The following SUPT3H variants were observed in gnomAD, a reference collection of about 807,000 sequenced individuals.
SUPT3H encodes the protein SPT3 homolog, SAGA and STAGA complex component, also known as transcription initiation protein SPT3 homolog.
A neutral mutation model predicts 44.3 loss-of-function variants in SUPT3H; 44 were observed. That is an observed-to-expected ratio of 0.99 (90% CI 0.78 to 1.28). The LOEUF (loss-of-function observed/expected upper bound fraction) is 1.28. SUPT3H is among the 50% of genes most tolerant of loss of function. SUPT3H has a pLI of 0.00. For synonymous variants in SUPT3H, 124 were observed against 125.6 expected (o/e 0.99, Z 0.09); for missense variants, 380 against 387.1 (o/e 0.98, Z 0.15).
intron 2 of SUPT3H, among the ~76,000 whole-genome samples, chr6:45,291,248 G>C (rs1248396780): frequency 6.6e-6 from 1 of 152,132 alleles, no homozygotes; most frequent in East Asian, 1.9e-4. Flanking sequence ...AAAAGGGGGA[G>C]AGTACTACAT....
At chr6:45,045,071 T>A (rs1243186252) in intron 3 of SUPT3H, among the ~76,000 whole-genome samples, 13 of 152,066 alleles carry the variant, frequency 8.5e-5, no homozygotes, top group Admixed American at 7.9e-4. Context: ...AGAAACCTCA[T>A]CATGACTCAT....
downstream of SUPT3H, among the ~76,000 whole-genome samples, chr6:44,825,023 T>C (rs918084612): frequency 6.6e-6 from 1 of 152,178 alleles, no homozygotes; most frequent in Non-Finnish European, 1.5e-5. Flanking sequence ...GTAAACAAGA[T>C]GGGAATTATT....
At chr6:45,053,623 G>A (rs1458890243) in intron 3 of SUPT3H, among the ~76,000 whole-genome samples, 1 of 151,400 alleles carries the variant, frequency 6.6e-6, no homozygotes. Context: ...TGATGGCCGG[G>A]TGCAGTGGTT....
chr6:45,233,582 A>G (rs1001206122), intron 2 of SUPT3H, among the ~76,000 whole-genome samples: 1 of 152,232 alleles, frequency 6.6e-6, no homozygotes, highest in Non-Finnish European at 1.5e-5. Flanking sequence ...CACAATATCA[A>G]GCCCCTATGG....
intron 10 of SUPT3H, among the ~76,000 whole-genome samples, chr6:44,926,694 T>C: frequency 6.6e-6 from 1 of 152,150 alleles, no homozygotes; most frequent in East Asian, 1.9e-4. Context: ...CTAGTAACAG[T>C]CTGTTAGTTT....
chr6:45,021,233 A>G (rs17424547), intron 3 of SUPT3H, among the ~76,000 whole-genome samples: 52,724 of 151,734 alleles, frequency 0.35, 9,817 homozygotes, highest in Admixed American at 0.41. Context: ...TATCTGGAAT[A>G]TACAACACAA....
chr6:44,974,482 G>T (rs1778042146), intron 6 of SUPT3H, among the ~76,000 whole-genome samples: 1 of 152,066 alleles, frequency 6.6e-6, no homozygotes, highest in Admixed American at 6.6e-5. Context: ...ACCAAAAACT[G>T]CAAAACACAA....
chr6:45,021,497 C>G (rs925362847), intron 3 of SUPT3H, among the ~76,000 whole-genome samples: 1 of 151,854 alleles, frequency 6.6e-6, no homozygotes, highest in Non-Finnish European at 1.5e-5. Flanking sequence ...ACAGAAAACA[C>G]TATAAAAATG....
intron 3 of SUPT3H, among the ~76,000 whole-genome samples, chr6:45,034,882 G>A (rs1033322940): frequency 1.3e-5 from 2 of 152,078 alleles, no homozygotes; most frequent in Non-Finnish European, 2.9e-5. Flanking sequence ...AAATCTATCA[G>A]ACAATAACTC....
Position 44,968,146 on chromosome 6 carries a change from A to G in SUPT3H, c.505-6318T>C, listed in dbSNP as rs1477344374. Among the ~76,000 whole-genome samples the G allele has an allele frequency of 2.0e-5, 3 of 152,254 alleles. No homozygotes were observed. The East Asian group carries it at 5.8e-4, about 29-fold the overall frequency. Reference sequence around the variant, plus strand: ...TACTCTTAAAAGTCTTACAATTGAAATGCAGAGTCCTTTTTGCATGGAAAA... The same window carrying G: ...TACTCTTAAAAGTCTTACAATTGAAGTGCAGAGTCCTTTTTGCATGGAAAA... On this transcript the variant is annotated intron_variant, in intron 6 of 10. Transcript: ENST00000371459.
In SUPT3H at chr6:45,307,054, G is replaced by A. The variant is rs575339916; in HGVS notation, c.101+58147C>T. 3.9e-5 allele frequency among the ~76,000 whole-genome samples: 6 copies of A among 152,330 alleles called. No homozygotes were observed. The South Asian group carries it at 6.2e-4, about 16-fold the overall frequency. On this transcript the variant is annotated intron_variant, in intron 2 of 10. Coordinates refer to ENST00000371459, the MANE Select transcript of SUPT3H (RefSeq NM_003599.4). ...GCTGTCTGAGATCAAACTGCAAGGC[G>A]GCAGCAAGGCTGGGGGAGGGGTGCC...
intron 2 of SUPT3H, among the ~76,000 whole-genome samples, chr6:45,240,688 G>A (rs1770134230): frequency 6.6e-6 from 1 of 152,166 alleles, no homozygotes; most frequent in South Asian, 2.1e-4. Context: ...TGCGTGCCAT[G>A]GCCACACTAT....
At chr6:44,830,026 T>C in intron 10 of SUPT3H, 169 bp from the exon 11 acceptor site, 2 of 628,182 alleles carry the variant, frequency 3.2e-6, no homozygotes, top group Non-Finnish European at 2.8e-6. Context: ...AACCATTCTG[T>C]CTATTAAAAA....
chr6:45,029,209 T>C (rs1786523110), intron 3 of SUPT3H, among the ~76,000 whole-genome samples: 1 of 151,874 alleles, frequency 6.6e-6, no homozygotes, highest in Non-Finnish European at 1.5e-5. Context: ...TTTTAACTGT[T>C]CTTTTTAGAA....
intron 4 of SUPT3H, among the ~76,000 whole-genome samples, chr6:45,015,706 A>G (rs1784145660): frequency 6.6e-6 from 1 of 152,000 alleles, no homozygotes; most frequent in South Asian, 2.1e-4. Context: ...TTTTTCCTTT[A>G]TATCCTTATT....
At chr6:45,032,798 T>G (rs1408970350) in intron 3 of SUPT3H, among the ~76,000 whole-genome samples, 2 of 152,170 alleles carry the variant, frequency 1.3e-5, no homozygotes, top group African/African-American at 4.8e-5. Context: ...TTCAGCCAAC[T>G]TACCACTCAG....
rs559704940 is a variant in SUPT3H at position 44,862,350 on chromosome 6, C to A, written c.913-32493G>T. 7.2e-5 allele frequency among the ~76,000 whole-genome samples: 11 copies of A among 152,060 alleles called. No individual in the cohort carries two copies. In the South Asian group the frequency reaches 2.3e-3, roughly 32 times the overall value. On this transcript the variant is annotated intron_variant, in intron 10 of 10. Coordinates refer to ENST00000371459, the MANE Select transcript of SUPT3H (RefSeq NM_003599.4). ...TGCCCTCTACTTGCTCTTACTACAG[C>A]CTGTGAAGGATTCGCACATTACACC...
chr6:44,830,265 C>T (rs1157717347), intron 10 of SUPT3H, among the ~76,000 whole-genome samples: 1 of 152,184 alleles, frequency 6.6e-6, no homozygotes, highest in African/African-American at 2.4e-5. Flanking sequence ...ACTGGCCCTT[C>T]CCGGGCCTAA....
chr6:44,959,375 T>G (rs564268457), intron 7 of SUPT3H, among the ~76,000 whole-genome samples: 1 of 151,948 alleles, frequency 6.6e-6, no homozygotes, highest in East Asian at 1.9e-4. Flanking sequence ...GCACAGAAAT[T>G]TAAAACACAA....
Sources: gnomAD v4.1 joint callset for allele counts (sites outside exome capture counted in the v4.1 genomes callset) on GRCh38, gnomAD v4.1.1 for gene constraint, MANE v1.5 for transcripts, NCBI Gene and HGNC (gene_info 2026-07-23, HGNC 2026-07-21) for gene names.